RALA: variants seen among roughly 807,000 people sequenced by gnomAD.
RALA encodes RAS like proto-oncogene A, also known as ras-related protein Ral-A.
A neutral mutation model predicts 24.0 loss-of-function variants in RALA; 5 were observed. That is an observed-to-expected ratio of 0.21 (90% CI 0.11 to 0.44). The LOEUF (loss-of-function observed/expected upper bound fraction) is 0.44, where lower values mean the gene tolerates loss of function less well. Ranked by LOEUF, RALA falls within the 20% of genes least tolerant of loss-of-function variation. The pLI is 0.99. For missense variants in RALA, 95 were observed against 241.2 expected (o/e 0.39, Z 4.01); for synonymous variants, 77 against 83.8 (o/e 0.92, Z 0.44).
chr7:39,635,641 T>A (rs890192228), intron 1 of RALA, among the ~76,000 whole-genome samples: 7 of 152,152 alleles, frequency 4.6e-5, no homozygotes, highest in Non-Finnish European at 1.0e-4. Context: ...GGGAGGAGGA[T>A]GGCGTTGGGA....
At chr7:39,696,882 T>C (rs1562625837) in intron 4 of RALA, 23 bp downstream of exon 4, 19 of 1,587,924 alleles carry the variant, frequency 1.2e-5, no homozygotes, top group Non-Finnish European at 1.6e-5. Context: ...TCTTTACTAC[T>C]GCATCATGTT....
In RALA at chr7:39,706,121, A is replaced by T. The variant is rs1448553695; in HGVS notation, c.499-2A>T. The stretch of plus-strand genomic sequence containing the variant: ...TATTTATCCTATTTTTTTTCTTTCT[A>T]GGTATTTTTTGATTTAATGAGAGAA... On this transcript the variant is annotated splice_acceptor_variant, in intron 4 of 4. Transcript: ENST00000005257. LOFTEE classifies it high-confidence loss of function. 5 of 1,594,932 alleles carry T rather than the reference A, an allele frequency of 3.1e-6. No homozygotes were observed. Among genetic ancestry groups the T allele is most frequent in the Admixed American group, 1.8e-5 (1 of 55,922 alleles).
chr7:39,689,574 TAAAA>T (rs1485848086), intron 2 of RALA, among the ~76,000 whole-genome samples: 2 of 152,086 alleles, frequency 1.3e-5, no homozygotes, highest in Non-Finnish European at 2.9e-5. Context: ...CAAGAGCTAA[TAAAA>T]AACCCACAAA....
chr7:39,655,862 A>G (rs898609254), intron 1 of RALA, among the ~76,000 whole-genome samples: 1 of 152,218 alleles, frequency 6.6e-6, no homozygotes, highest in Non-Finnish European at 1.5e-5. Context: ...GGATCAAGGC[A>G]TATAAGGATT....
At chr7:39,642,687 C>T (rs1791840417) in intron 1 of RALA, among the ~76,000 whole-genome samples, 1 of 152,140 alleles carries the variant, frequency 6.6e-6, no homozygotes, top group Non-Finnish European at 1.5e-5. Context: ...AAAAATATGT[C>T]CTCTTTGAAC....
chr7:39,665,651 T>G (rs1281387864), intron 1 of RALA, among the ~76,000 whole-genome samples: 3 of 150,730 alleles, frequency 2.0e-5, no homozygotes, highest in East Asian at 3.9e-4. Context: ...CAATGTAGTT[T>G]TTTTTTTTTT....
rs1791418521 is a variant in RALA, at chr7:39,623,687, C to T, written c.-176C>T. The T allele has an allele frequency of 1.3e-5, 2 of 156,304 alleles. No individual in the cohort carries two copies. The highest frequency in any genetic ancestry group is 2.4e-5 in the African/African-American group (1 of 41,492). 9.7% of individuals were successfully genotyped at this position (156,304 alleles called of 1,614,324 possible). On this transcript the variant is annotated 5_prime_UTR_variant, in exon 1 of 5. Transcript: ENST00000005257. The surrounding 1 kb of genome is among the most constrained non-coding windows in gnomAD (Gnocchi z 4.9). ...CTCCTCCTCCAGCCGCCCAGGCTCC[C>T]CCGCCACCCGTCAGACTCCTCCTTC...
chr7:39,701,720 T>C (rs1037918043), intron 4 of RALA, among the ~76,000 whole-genome samples: 1 of 152,202 alleles, frequency 6.6e-6, no homozygotes, highest in Non-Finnish European at 1.5e-5. Context: ...GGAGTCCAAA[T>C]AGACCATTAG....
chr7:39,656,978 T>C (rs546018165), intron 1 of RALA, among the ~76,000 whole-genome samples: 1 of 152,290 alleles, frequency 6.6e-6, no homozygotes, highest in Admixed American at 6.5e-5. Flanking sequence ...TTGTTTTGTT[T>C]TGTTTTTGAG....
intron 1 of RALA, among the ~76,000 whole-genome samples, chr7:39,679,344 A>G (rs1276740789): frequency 6.6e-6 from 1 of 152,194 alleles, no homozygotes; most frequent in Non-Finnish European, 1.5e-5. Flanking sequence ...TTCAAAAACA[A>G]AAACCATTCT....
chr7:39,661,911 TC>T (rs914523800), intron 1 of RALA, among the ~76,000 whole-genome samples: 2 of 117,336 alleles, frequency 1.7e-5, no homozygotes, highest in African/African-American at 5.5e-5. Flanking sequence ...TGCCTGGACA[TC>T]CAGGCGTTTC....
At chr7:39,661,359 C>T (rs1792187070) in intron 1 of RALA, among the ~76,000 whole-genome samples, 1 of 152,226 alleles carries the variant, frequency 6.6e-6, no homozygotes, top group South Asian at 2.1e-4. Flanking sequence ...TCAGCATTAA[C>T]TCAAAAGTCC....
At chr7:39,628,137 ACTC>A (rs1583699462) in intron 1 of RALA, among the ~76,000 whole-genome samples, 1 of 150,948 alleles carries the variant, frequency 6.6e-6, no homozygotes, top group Non-Finnish European at 1.5e-5. Context: ...AATCTAGTAT[ACTC>A]CTACTGGTCC....
intron 1 of RALA, among the ~76,000 whole-genome samples, chr7:39,670,210 A>G (rs1367926652): frequency 6.6e-6 from 1 of 152,232 alleles, no homozygotes. Flanking sequence ...CAGTTGTGCA[A>G]TCTTAGCTCA....
chr7:39,630,782 C>T (rs1312673911), intron 1 of RALA, among the ~76,000 whole-genome samples: 1 of 151,922 alleles, frequency 6.6e-6, no homozygotes, highest in African/African-American at 2.4e-5. Context: ...ATTCTTGTTC[C>T]TTCTATATGC....
At chr7:39,670,868 A>G (rs1037968241) in intron 1 of RALA, among the ~76,000 whole-genome samples, 3 of 152,070 alleles carry the variant, frequency 2.0e-5, no homozygotes, top group Non-Finnish European at 4.4e-5. Context: ...AAATATTTTG[A>G]TCTTTTAATA....
At chr7:39,681,302 CTTTTTTTTTTTTTTTTTTTTTT>C (rs70996832) in intron 1 of RALA, among the ~76,000 whole-genome samples, 1 of 50,008 alleles carries the variant, frequency 2.0e-5, no homozygotes, top group Admixed American at 3.5e-4. Flanking sequence ...CACCCTATTC[CTTTTTTTTTTTTTTTTTTTTTT>C]TTTTTTTTTT....
At chr7:39,638,057 C>T (rs1791714370) in intron 1 of RALA, among the ~76,000 whole-genome samples, 1 of 152,146 alleles carries the variant, frequency 6.6e-6, no homozygotes, top group Non-Finnish European at 1.5e-5. Flanking sequence ...TCCCAGTTGT[C>T]TCCTAATGTC....
chr7:39,703,420 T>C (rs1793063660), intron 4 of RALA: 1 of 152,246 alleles, frequency 6.6e-6, no homozygotes, highest in Non-Finnish European at 1.5e-5. Context: ...TTTATACTTT[T>C]TTCCCTTTAA....
Sources: gnomAD v4.1 joint callset for allele counts (sites outside exome capture counted in the v4.1 genomes callset) on GRCh38, gnomAD v4.1.1 for gene constraint, Gnocchi (gnomAD v3.1) non-coding constraint, MANE v1.5 for transcripts, NCBI Gene and HGNC (gene_info 2026-07-23, HGNC 2026-07-21) for gene names.